The following GNS variants were observed in gnomAD, a reference collection of about 807,000 sequenced individuals.
The protein encoded by GNS is glucosamine (N-acetyl)-6-sulfatase.
In GNS, 40 loss-of-function variants were observed where a neutral mutation model predicts 69.7. The ratio of observed to expected loss-of-function variants is 0.57; its 90% confidence interval spans 0.45 to 0.75. The LOEUF (loss-of-function observed/expected upper bound fraction) is 0.75, where lower values mean the gene tolerates loss of function less well. GNS is among the 30% of genes least tolerant of loss of function. The pLI, the probability that GNS is intolerant of heterozygous loss-of-function variation, is 0.00. For missense variants in GNS, 565 were observed against 685.5 expected (o/e 0.82, Z 1.96); for synonymous variants, 243 against 251.6 (o/e 0.97, Z 0.32).
intron 5 of GNS, among the ~76,000 whole-genome samples, chr12:64,744,543 C>T (rs200016849): frequency 2.9e-5 from 1 of 34,356 alleles, no homozygotes; most frequent in African/African-American, 6.4e-5. Flanking sequence ...ACAAAGTAAT[C>T]TCTGTAGTCG....
intron 8 of GNS, among the ~76,000 whole-genome samples, chr12:64,739,101 A>G (rs1013855870): frequency 7.9e-5 from 12 of 152,042 alleles, no homozygotes; most frequent in African/African-American, 2.9e-4. Context: ...TCCTATCTCA[A>G]ATGCCTTCCA....
At chr12:64,729,258 G>A (rs1648761128) in intron 9 of GNS, 2 of 573,120 alleles carry the variant, frequency 3.5e-6, no homozygotes, top group Non-Finnish European at 6.2e-6. Flanking sequence ...TATAAGGCTT[G>A]TATAATAGTA....
At chr12:64,718,310 A>C (rs1022085308) in intron 13 of GNS, among the ~76,000 whole-genome samples, 2 of 152,252 alleles carry the variant, frequency 1.3e-5, no homozygotes, top group Non-Finnish European at 2.9e-5. Flanking sequence ...GTTAAGTTTA[A>C]GTAGTTCATG....
chr12:64,737,965 G>C (rs748190167), intron 8 of GNS, among the ~76,000 whole-genome samples: 1 of 151,928 alleles, frequency 6.6e-6, no homozygotes, highest in Non-Finnish European at 1.5e-5. Context: ...AAATGACAGA[G>C]TTAGGAGATA....
At chr12:64,740,547 T>G in intron 7 of GNS, 59 bp downstream of exon 7, 1 of 894,788 alleles carries the variant, frequency 1.1e-6, no homozygotes, top group East Asian at 2.4e-5. Context: ...CTCCTCTTCA[T>G]GAGCTGATTT....
chr12:64,749,593 A>G (rs900894403), intron 2 of GNS, among the ~76,000 whole-genome samples: 1 of 152,202 alleles, frequency 6.6e-6, no homozygotes, highest in Non-Finnish European at 1.5e-5. Flanking sequence ...AACATTCTCC[A>G]CATGTACTAA....
chr12:64,745,627 T>A (rs756549061), intron 4 of GNS, 32 bp downstream of exon 4: 2 of 1,263,212 alleles, frequency 1.6e-6, no homozygotes, highest in Admixed American at 3.4e-5. Flanking sequence ...TAGGGCTGCA[T>A]AAAATTGTCA....
chr12:64,751,166 A>G (rs1870065988), intron 2 of GNS, among the ~76,000 whole-genome samples: 1 of 152,188 alleles, frequency 6.6e-6, no homozygotes, highest in South Asian at 2.1e-4. Context: ...CGGGCTACAT[A>G]GTGAGTGAGA....
intron 6 of GNS, 54 bp from the exon 7 acceptor site, chr12:64,740,742 C>G: frequency 1.2e-6 from 1 of 844,232 alleles, no homozygotes; most frequent in Middle Eastern, 2.3e-4. Context: ...GTCAAACAAA[C>G]TACTGGATTA....
At position 64,747,850 on chromosome 12, in the gene GNS, A is replaced by T; in HGVS notation, c.321T>A (p.His107Gln). Residue 107 changes from histidine (H) to glutamine (Q), a missense_variant, in exon 3 of 14, where the codon CAT (histidine) becomes CAA (glutamine). His to Gln is a conservative substitution (Grantham distance 24). This residue lies in a region of GNS where 181 missense variants were observed against 174.4 expected (regional missense o/e 1.04). Coordinates refer to ENST00000258145, the MANE Select transcript of GNS (RefSeq NM_002076.4). ...SILTGKYPHN[H>Q]HVVNNTLEGN... ...CCTCCAGAGTGTTGTTCACAACGTGATGATTATGTGGGTACTTTCCTGTCA... is the reference window on the plus strand; with the variant it reads ...CCTCCAGAGTGTTGTTCACAACGTGTTGATTATGTGGGTACTTTCCTGTCA... 6.2e-7 allele frequency: 1 copy of T among 1,610,186 alleles called. No individual in the cohort carries two copies. The highest frequency in any genetic ancestry group is 8.5e-7 in the Non-Finnish European group (1 of 1,176,620).
At chr12:64,741,258 T>A (rs1429831412) in intron 6 of GNS, among the ~76,000 whole-genome samples, 5 of 151,596 alleles carry the variant, frequency 3.3e-5, no homozygotes, top group African/African-American at 9.7e-5. Flanking sequence ...TTCCTCTAAG[T>A]TGCTTTTTTT....
intron 1 of GNS, chr12:64,756,660 C>G: frequency 1.0e-6 from 1 of 964,874 alleles, no homozygotes; most frequent in Non-Finnish European, 1.6e-6. Flanking sequence ...TATAAAAATC[C>G]TCATACTCTG....
chr12:64,759,007 T>C lies in GNS; in HGVS notation c.192+78A>G, dbSNP rs1870374432. The C allele has an allele frequency of 2.5e-6, 3 of 1,217,142 alleles. 1 individual carries two copies. Among genetic ancestry groups the C allele is most frequent in the Admixed American group, 2.0e-5 (1 of 50,600 alleles). The allele number at this position is 1,217,142 out of a possible 1,614,324, so 75.4% of individuals were successfully genotyped here. On this transcript the variant is annotated intron_variant, in intron 1 of 13. Transcript: ENST00000258145. ...ACAGCCAGTTCGGGGAGGAGGGTGG[T>C]GGGGACCGGGAAAGAGAGCAACAAA...
Position 64,742,312 on chromosome 12 carries a change from G to A in GNS, c.792+829C>T, listed in dbSNP as rs182027028. On this transcript the variant is annotated intron_variant, in intron 6 of 13. Coordinates refer to ENST00000258145, the MANE Select transcript of GNS (RefSeq NM_002076.4). ...TGGGATTACAGGCATGAGCCACTGC[G>A]CCCGGCCAGTACTCTAATTTAAAAC... 1.6e-3 allele frequency among the ~76,000 whole-genome samples: 245 copies of A among 152,284 alleles called. 2 individuals carry two copies. Among genetic ancestry groups the A allele is most frequent in the African/African-American group, 4.8e-3 (200 of 41,558 alleles).
At chr12:64,756,467 T>C (rs1870252586) in intron 1 of GNS, among the ~76,000 whole-genome samples, 1 of 152,208 alleles carries the variant, frequency 6.6e-6, no homozygotes, top group Non-Finnish European at 1.5e-5. Flanking sequence ...ATCTGATTAT[T>C]ATCACAGTAT....
At chr12:64,732,175 T>G (rs527987598) in intron 9 of GNS, among the ~76,000 whole-genome samples, 1,374 of 116,942 alleles carry the variant, frequency 0.012, 84 homozygotes, top group African/African-American at 0.042. Flanking sequence ...TGTTGTTTTT[T>G]TTTTTTTTTT....
intron 9 of GNS, among the ~76,000 whole-genome samples, chr12:64,733,113 A>AAAAC (rs903616284): frequency 2.0e-5 from 3 of 151,704 alleles, no homozygotes; most frequent in Non-Finnish European, 2.9e-5. Flanking sequence ...CGTCTCTACA[A>AAAAC]AAACAAACAA....
chr12:64,736,954 T>C, intron 9 of GNS, 50 bp downstream of exon 9: 1 of 906,200 alleles, frequency 1.1e-6, no homozygotes, highest in Non-Finnish European at 1.9e-6. Flanking sequence ...CACCTTATTT[T>C]CTCAGGCAAG....
chr12:64,735,749 G>C (rs1442214368), intron 9 of GNS, among the ~76,000 whole-genome samples: 2 of 152,072 alleles, frequency 1.3e-5, no homozygotes, highest in Non-Finnish European at 2.9e-5. Context: ...AAGATTTAAT[G>C]GTCTTCTAAA....
Sources: gnomAD v4.1 joint callset for allele counts (sites outside exome capture counted in the v4.1 genomes callset) on GRCh38, gnomAD v4.1.1 for gene constraint, gnomAD v4.1.1 regional missense constraint, MANE v1.5 for transcripts, NCBI Gene and HGNC (gene_info 2026-07-23, HGNC 2026-07-21) for gene names.